CORO7: variants seen among roughly 807,000 people sequenced by gnomAD.
The protein encoded by CORO7 is coronin 7, also known as coronin-7.
CORO7 carries 107 observed loss-of-function variants against 126.6 expected under a neutral mutation model. The observed-to-expected ratio is 0.85, with a 90% CI of 0.72 to 0.99. The LOEUF is 0.99. Among genes scored for constraint, CORO7 ranks in the 50% least tolerant of loss-of-function variants. CORO7 has a pLI of 0.00. For missense variants in CORO7, 1,314 were observed against 1,255.8 expected (o/e 1.05, Z -0.70); for synonymous variants, 603 against 536.8 (o/e 1.12, Z -1.70).
chr16:4,361,584 A>C, intron 16 of CORO7, 115 bp from the exon 17 acceptor site: 1 of 1,254,614 alleles, frequency 8.0e-7, no homozygotes. Context: ...AGAGGCTCCC[A>C]CCGCTGGGTG....
At chr16:4,389,754 A>C (rs779606934) in intron 7 of CORO7, among the ~76,000 whole-genome samples, 10 of 152,190 alleles carry the variant, frequency 6.6e-5, no homozygotes, top group Non-Finnish European at 1.3e-4. Context: ...CCCTGCCCTC[A>C]ACACCCGGAG....
rs565533008 is a variant in CORO7, at chr16:4,390,991, G to A, written c.616-2360C>T. On this transcript the variant is annotated intron_variant, in intron 7 of 27. Coordinates refer to ENST00000251166, the MANE Select transcript of CORO7 (RefSeq NM_024535.5). ...AGAGGTCCAGGTAAGAGCTTTGTCC[G>A]TGCCCAGCCACTCCCCAATGTGGGT... Among the ~76,000 whole-genome samples, 12 of 152,310 alleles carry A rather than the reference G, an allele frequency of 7.9e-5. No individual in the cohort carries two copies. The East Asian group carries it at 1.2e-3, about 15-fold the overall frequency.
chr16:4,384,892 T>TGCTGCTGAACACGGCG (rs1157979541), intron 9 of CORO7, among the ~76,000 whole-genome samples: 2 of 151,582 alleles, frequency 1.3e-5, no homozygotes, highest in African/African-American at 4.9e-5. Context: ...GGCCTGAGGC[T>TGCTGCTGAACACGGCG]GCTGCTGAAC....
chr16:4,356,905 C>T (rs1289656133), intron 26 of CORO7: 7 of 542,200 alleles, frequency 1.3e-5, no homozygotes, highest in Non-Finnish European at 2.3e-5. Flanking sequence ...ACTCCAAGGT[C>T]CCAAAAGCAC....
At chr16:4,381,337 A>C (rs752822890) in intron 9 of CORO7, 2 of 1,609,060 alleles carry the variant, frequency 1.2e-6, no homozygotes, top group South Asian at 2.2e-5. Flanking sequence ...CCTGGAGCTC[A>C]AGCTGCAGGA....
At chr16:4,375,470 G>A (rs2054684816) in intron 9 of CORO7, among the ~76,000 whole-genome samples, 1 of 152,252 alleles carries the variant, frequency 6.6e-6, no homozygotes, top group Non-Finnish European at 1.5e-5. Context: ...ATACAGCTCT[G>A]CCTGGGTCTC....
At position 4,398,338 on chromosome 16, in the gene CORO7, A is replaced by G. The variant is rs545577932; in HGVS notation, c.565-2999T>C. ...AAACCACAGTAAGATATCCCCTGAC[A>G]CCCATTAGGATGCCTATTACATTTT... On this transcript the variant is annotated intron_variant, in intron 6 of 27. Coordinates refer to ENST00000251166, the MANE Select transcript of CORO7 (RefSeq NM_024535.5). Among the ~76,000 whole-genome samples, 12 of 152,242 alleles carry G rather than the reference A, an allele frequency of 7.9e-5. No individual in the cohort carries two copies. The South Asian group carries it at 2.3e-3, about 29-fold the overall frequency.
At chr16:4,382,589 A>G (rs1343483149) in intron 9 of CORO7, 1 of 1,584,518 alleles carries the variant, frequency 6.3e-7, no homozygotes, top group Non-Finnish European at 8.6e-7. Context: ...CAGGCCCGCG[A>G]GGGCAACCTG....
Position 4,361,095 on chromosome 16 carries a change from G to A in CORO7, c.1775-10C>T. On this transcript the variant is annotated splice_polypyrimidine_tract_variant and intron_variant, in intron 18 of 27. Coordinates refer to ENST00000251166, the MANE Select transcript of CORO7 (RefSeq NM_024535.5). ...ATCTTCTCCGTGTGGCCTGGAGGAAGGCAGGGGTGATCAGGAGCCCTTGGG... is the reference window on the plus strand; with the variant it reads ...ATCTTCTCCGTGTGGCCTGGAGGAAAGCAGGGGTGATCAGGAGCCCTTGGG... The A allele has an allele frequency of 6.2e-7, 1 of 1,613,396 alleles. No homozygotes were observed. The highest frequency in any genetic ancestry group is 8.5e-7 in the Non-Finnish European group (1 of 1,179,996).
intron 9 of CORO7, among the ~76,000 whole-genome samples, chr16:4,366,756 C>T (rs995415079): frequency 1.2e-4 from 18 of 151,916 alleles, no homozygotes; most frequent in African/African-American, 2.7e-4. Flanking sequence ...CTTCCGAGGC[C>T]GGTCTCAAAC....
intron 9 of CORO7, among the ~76,000 whole-genome samples, chr16:4,378,247 T>C (rs1386146589): frequency 1.3e-5 from 2 of 152,158 alleles, no homozygotes; most frequent in Non-Finnish European, 1.5e-5. Flanking sequence ...GCCTCACAGC[T>C]TGGACACCTC....
At chr16:4,374,381 C>A (rs1237663260) in intron 9 of CORO7, among the ~76,000 whole-genome samples, 3 of 152,112 alleles carry the variant, frequency 2.0e-5, no homozygotes, top group African/African-American at 7.2e-5. Flanking sequence ...CTCCCTCAGG[C>A]CACCTCGGTT....
intron 23 of CORO7, chr16:4,358,908 TGTAGGTTCATATA>T (rs2054068661): frequency 3.6e-6 from 1 of 277,410 alleles, no homozygotes; most frequent in African/African-American, 2.2e-5. Context: ...AGGTTCATAT[TGTAGGTTCATATA>T]GTTTAACCTT....
chr16:4,405,339 G>A, intron 6 of CORO7, 152 bp downstream of exon 6: 1 of 767,940 alleles, frequency 1.3e-6, no homozygotes, highest in East Asian at 3.1e-5. Flanking sequence ...GGGGGTGTGA[G>A]GAGCAGCTAG....
intron 6 of CORO7, among the ~76,000 whole-genome samples, chr16:4,401,877 C>T (rs945108453): frequency 6.6e-6 from 1 of 151,906 alleles, no homozygotes; most frequent in Non-Finnish European, 1.5e-5. Context: ...ATGACGTGGG[C>T]AAGCCCCCGA....
chr16:4,382,958 C>T (rs1300798284), intron 9 of CORO7: 2 of 1,433,324 alleles, frequency 1.4e-6, no homozygotes, highest in East Asian at 5.1e-5. Flanking sequence ...GGCCAGCCCC[C>T]TCCTGCTGCC....
chr16:4,362,858 G>T lies in CORO7; in HGVS notation c.1276-120C>A. 2 of 1,202,948 alleles carry T rather than the reference G, an allele frequency of 1.7e-6. No individual in the cohort carries two copies. Among genetic ancestry groups the T allele is most frequent in the Non-Finnish European group, 2.1e-6 (2 of 951,700 alleles). 74.5% of individuals were successfully genotyped at this position (1,202,948 alleles called of 1,614,324 possible). The stretch of plus-strand genomic sequence containing the variant: ...CCTGCGGACTGGAGGAGCCCCCACT[G>T]TGGGCATGCGACAGGAGCGGCGGGG... On this transcript the variant is annotated intron_variant, in intron 14 of 27. Coordinates refer to ENST00000251166, the MANE Select transcript of CORO7 (RefSeq NM_024535.5). This position sits in a 1 kb window ranked among gnomAD's most constrained non-coding sequence, Gnocchi z 5.3.
chr16:4,395,122 C>T (rs2141283041), intron 7 of CORO7, among the ~76,000 whole-genome samples, 167 bp downstream of exon 7: 1 of 152,320 alleles, frequency 6.6e-6, no homozygotes, highest in East Asian at 1.9e-4. Context: ...CAACACACTT[C>T]ACAGGAAGAG....
At chr16:4,408,295 CA>C in intron 3 of CORO7, 44 bp from the exon 4 acceptor site, 1 of 1,613,848 alleles carries the variant, frequency 6.2e-7, no homozygotes. Context: ...GTCCTGTTTC[CA>C]ACCCAGTATG....
Sources: allele counts gnomAD v4.1 joint callset (sites outside exome capture counted in the v4.1 genomes callset), GRCh38; gene constraint gnomAD v4.1.1; non-coding constraint Gnocchi (gnomAD v3.1); transcripts MANE v1.5; gene names NCBI Gene and HGNC (gene_info 2026-07-23, HGNC 2026-07-21).